The following CELF2 variants were observed in gnomAD, a reference collection of about 807,000 sequenced individuals.
CELF2 encodes CUG triplet repeat RNA-binding protein 2.
In CELF2, 8 loss-of-function variants were observed where a neutral mutation model predicts 62.6. The observed-to-expected ratio is 0.13, with a 90% confidence interval of 0.07 to 0.23. The LOEUF is 0.23. Ranked by LOEUF, CELF2 falls within the 10% of genes least tolerant of loss-of-function variation. The probability of loss-of-function intolerance (pLI) is 1.00; values close to 1 mark genes in which losing one functional copy is unlikely to be tolerated. For missense variants in CELF2, 333 were observed against 671.0 expected, an observed-to-expected ratio of 0.50 and a Z score of 5.56; for synonymous variants, 258 against 250.0, an observed-to-expected ratio of 1.03 and a Z score of -0.30.
At chr10:10,519,747 G>A in the CELF2 span, among the ~76,000 whole-genome samples, 1 of 152,196 alleles carries the variant, frequency 6.6e-6, no homozygotes, top group Non-Finnish European at 1.5e-5. Flanking sequence ...TGGACCCCGT[G>A]AAGGTTGCCT....
At chr10:11,120,509 C>T (rs1403895784) in intron 1 of CELF2, among the ~76,000 whole-genome samples, 2 of 152,172 alleles carry the variant, frequency 1.3e-5, no homozygotes, top group Non-Finnish European at 2.9e-5. Flanking sequence ...ATGCCAACAA[C>T]CCACACCATC....
the CELF2 span, among the ~76,000 whole-genome samples, chr10:10,532,725 G>C: frequency 6.6e-6 from 1 of 151,986 alleles, no homozygotes; most frequent in Admixed American, 6.6e-5. Flanking sequence ...TCTCTTTTAG[G>C]TATTTATCTT....
the CELF2 span, among the ~76,000 whole-genome samples, chr10:10,525,402 T>C: frequency 2.6e-5 from 4 of 152,298 alleles, no homozygotes; most frequent in South Asian, 8.3e-4. Context: ...ATAGTCAGTG[T>C]ATTTTATGTG....
the CELF2 span, among the ~76,000 whole-genome samples, chr10:10,508,704 GTA>G: frequency 1.5e-4 from 9 of 60,914 alleles, no homozygotes; most frequent in South Asian, 6.2e-4. Flanking sequence ...GTGTGTGTGT[GTA>G]TATTTTTTTT....
At chr10:10,668,414 C>T in the CELF2 span, among the ~76,000 whole-genome samples, 1 of 152,294 alleles carries the variant, frequency 6.6e-6, no homozygotes. Flanking sequence ...GCTTCATGGA[C>T]CCAGTTAGCT....
Position 11,244,724 on chromosome 10 carries a change from G to A in CELF2, c.355-4429G>A, listed in dbSNP as rs919465516. Among the ~76,000 whole-genome samples the A allele has an allele frequency of 6.0e-5, 9 of 151,242 alleles. No individual in the cohort carries two copies. Among genetic ancestry groups the A allele is most frequent in the African/African-American group, 9.7e-5 (4 of 41,182 alleles). ...TGCTTCCTCTGTTGGTTAGGATATC[G>A]TATCATTGTTCTTGATCAACAGTAG... On this transcript the variant is annotated intron_variant, in intron 3 of 12. Transcript: ENST00000633077. The surrounding 1 kb of genome is among the most constrained non-coding windows in gnomAD (Gnocchi z 4.2).
chr10:10,613,261 T>C, the CELF2 span, among the ~76,000 whole-genome samples: 1 of 152,202 alleles, frequency 6.6e-6, no homozygotes, highest in Non-Finnish European at 1.5e-5. Context: ...GATCGGAATA[T>C]TATTGTTGCT....
chr10:11,122,086 T>G (rs1422189843), intron 1 of CELF2, among the ~76,000 whole-genome samples: 2 of 152,204 alleles, frequency 1.3e-5, no homozygotes, highest in Non-Finnish European at 2.9e-5. Flanking sequence ...CAAATCTTGG[T>G]TTCTATCCTG....
chr10:10,913,379 C>CTTTTTTTTTTTTTTTTTT (rs34163796), intron 1 of CELF2, among the ~76,000 whole-genome samples: 1 of 57,360 alleles, frequency 1.7e-5, no homozygotes, highest in Non-Finnish European at 2.9e-5. Flanking sequence ...GTAATGATGT[C>CTTTTTTTTTTTTTTTTTT]TTTTTTTTTT....
the CELF2 span, among the ~76,000 whole-genome samples, chr10:10,523,358 A>AT: frequency 6.6e-6 from 1 of 152,212 alleles, no homozygotes; most frequent in Admixed American, 6.5e-5. Context: ...TATTTAAATG[A>AT]TTTTTTAAAT....
the CELF2 span, among the ~76,000 whole-genome samples, chr10:10,707,354 T>C: frequency 8.5e-5 from 13 of 152,310 alleles, no homozygotes; most frequent in African/African-American, 3.1e-4. Flanking sequence ...CTTTTTATTA[T>C]GTCAAGCAGG....
At chr10:10,750,467 A>G in the CELF2 span, among the ~76,000 whole-genome samples, 1 of 152,216 alleles carries the variant, frequency 6.6e-6, no homozygotes, top group African/African-American at 2.4e-5. Flanking sequence ...GTTAACTAAT[A>G]CTTACTGTGC....
At chr10:10,755,927 G>A in the CELF2 span, among the ~76,000 whole-genome samples, 1 of 152,268 alleles carries the variant, frequency 6.6e-6, no homozygotes, top group East Asian at 1.9e-4. Context: ...TAGAGTCAAA[G>A]CAAACCATCC....
intron 2 of CELF2, among the ~76,000 whole-genome samples, chr10:10,998,363 GA>G (rs1043318284): frequency 1.1e-4 from 16 of 152,120 alleles, no homozygotes; most frequent in African/African-American, 3.6e-4. Flanking sequence ...ACCTGCCAGG[GA>G]CTTTCTTTTG....
the CELF2 span, among the ~76,000 whole-genome samples, chr10:10,574,084 G>T: frequency 1.3e-5 from 2 of 152,114 alleles, no homozygotes; most frequent in East Asian, 1.9e-4. Flanking sequence ...GTTAAAAATG[G>T]CCTGAATACA....
the CELF2 span, among the ~76,000 whole-genome samples, chr10:10,739,689 T>C: frequency 6.6e-6 from 1 of 152,210 alleles, no homozygotes; most frequent in Non-Finnish European, 1.5e-5. Flanking sequence ...ACAAAGCATT[T>C]AGCTCTTATG....
At chr10:10,986,489 T>C (rs916629146) in intron 2 of CELF2, among the ~76,000 whole-genome samples, 8 of 152,142 alleles carry the variant, frequency 5.3e-5, no homozygotes, top group African/African-American at 1.9e-4. Flanking sequence ...TAGGTGTTTT[T>C]TAAGTAGCTT....
intron 2 of CELF2, among the ~76,000 whole-genome samples, chr10:11,194,161 G>A (rs2056790326): frequency 6.6e-6 from 1 of 152,136 alleles, no homozygotes; most frequent in African/African-American, 2.4e-5. Flanking sequence ...CACCTCCCAG[G>A]TTCAAGCGAT....
chr10:10,723,923 A>G, the CELF2 span, among the ~76,000 whole-genome samples: 1 of 152,238 alleles, frequency 6.6e-6, no homozygotes, highest in Non-Finnish European at 1.5e-5. Context: ...TTTTAAAAAA[A>G]TGCAACTATG....
Sources: allele counts gnomAD v4.1 joint callset (sites outside exome capture counted in the v4.1 genomes callset), GRCh38; gene constraint gnomAD v4.1.1; non-coding constraint Gnocchi (gnomAD v3.1); transcripts MANE v1.5; gene names NCBI Gene and HGNC (gene_info 2026-07-23, HGNC 2026-07-21).